Variants in NREP observed in about 807,000 individuals in gnomAD.
The protein encoded by NREP is neuronal regeneration-related protein.
A neutral mutation model predicts 8.6 loss-of-function variants in NREP; 5 were observed. That is an observed-to-expected ratio of 0.58 (90% CI 0.30 to 1.22). The LOEUF (loss-of-function observed/expected upper bound fraction) is 1.22. Ranked by LOEUF, NREP falls within the 50% of genes most tolerant of loss-of-function variation. The pLI is 0.07. For synonymous variants in NREP, 27 were observed against 28.0 expected, an observed-to-expected ratio of 0.96 and a Z score of 0.11; for missense variants, 86 against 82.5, an observed-to-expected ratio of 1.04 and a Z score of -0.17.
chr5:111,933,631 T>C (rs779084567), intron 2 of NREP, among the ~76,000 whole-genome samples: 26 of 152,036 alleles, frequency 1.7e-4, no homozygotes, highest in Non-Finnish European at 2.8e-4. Context: ...ACTTTCAAAT[T>C]CCAGTTTTTC....
intron 2 of NREP, among the ~76,000 whole-genome samples, chr5:111,943,456 G>A (rs1302458655): frequency 2.6e-5 from 4 of 151,940 alleles, no homozygotes; most frequent in African/African-American, 7.2e-5. Context: ...CAAACCAAAT[G>A]ATTACTCTTA....
intron 2 of NREP, among the ~76,000 whole-genome samples, chr5:111,830,857 G>A (rs1752750451): frequency 6.6e-6 from 1 of 152,182 alleles, no homozygotes; most frequent in Non-Finnish European, 1.5e-5. Context: ...GAAAGCTAAT[G>A]TGATTTTATT....
intron 2 of NREP, among the ~76,000 whole-genome samples, chr5:111,931,171 C>T (rs190156181): frequency 1.3e-5 from 2 of 152,122 alleles, no homozygotes; most frequent in Non-Finnish European, 2.9e-5. Flanking sequence ...GTCCACAATT[C>T]TTTGATTCTC....
intron 2 of NREP, among the ~76,000 whole-genome samples, chr5:111,867,570 T>C (rs183803434): frequency 5.5e-4 from 83 of 152,256 alleles, no homozygotes; most frequent in African/African-American, 1.7e-3. Context: ...AATATATGAA[T>C]TGGGGATGGG....
intron 2 of NREP, among the ~76,000 whole-genome samples, chr5:111,865,105 C>G (rs1319372728): frequency 1.3e-5 from 2 of 152,132 alleles, no homozygotes; most frequent in Non-Finnish European, 2.9e-5. Flanking sequence ...GCTCCTCTCC[C>G]AGAGCTGTGA....
chr5:111,860,633 C>G (rs138935927), intron 2 of NREP, among the ~76,000 whole-genome samples: 157 of 152,174 alleles, frequency 1.0e-3, no homozygotes, highest in African/African-American at 3.6e-3. Flanking sequence ...TTCTTTGCAT[C>G]TTTTTCAGAG....
chr5:111,884,109 C>G (rs1754170054), intron 2 of NREP, among the ~76,000 whole-genome samples: 1 of 152,072 alleles, frequency 6.6e-6, no homozygotes, highest in Non-Finnish European at 1.5e-5. Context: ...AGAGAAGAAT[C>G]AAATAGATGC....
chr5:111,814,381 G>A (rs924269567), intron 2 of NREP, among the ~76,000 whole-genome samples: 2 of 152,090 alleles, frequency 1.3e-5, no homozygotes, highest in Admixed American at 6.6e-5. Context: ...TATGTTGTGG[G>A]CCAAAATAAA....
In NREP at chr5:111,949,697, G is replaced by A. The variant is rs571370732; in HGVS notation, c.135+25577C>T. Among the ~76,000 whole-genome samples the A allele has an allele frequency of 2.0e-5, 3 of 152,106 alleles. No individual in the cohort carries two copies. In the South Asian group the frequency reaches 6.2e-4, roughly 32 times the overall value. ...ATGTGGTGTTTCGTTTTCTGTTTCT[G>A]TGTTAGTTTGCTGAAAATGATGGGT... On this transcript the variant is annotated intron_variant, in intron 2 of 3. Transcript: ENST00000395634.
chr5:111,786,433 C>G (rs573678773), intron 2 of NREP, among the ~76,000 whole-genome samples: 2 of 152,272 alleles, frequency 1.3e-5, no homozygotes, highest in Admixed American at 6.5e-5. Flanking sequence ...TCCCACAGTG[C>G]CTAGTTCTGT....
intron 2 of NREP, among the ~76,000 whole-genome samples, chr5:111,927,965 C>T (rs1297016019): frequency 1.3e-5 from 2 of 152,048 alleles, no homozygotes; most frequent in Admixed American, 6.6e-5. Flanking sequence ...AAGTCTGGGG[C>T]TTCATAGGCC....
intron 3 of NREP, among the ~76,000 whole-genome samples, chr5:111,731,326 A>G (rs1748541162): frequency 6.6e-6 from 1 of 151,640 alleles, no homozygotes; most frequent in Non-Finnish European, 1.5e-5. Context: ...GTGAGGCAGC[A>G]TTCCCCAGTG....
intron 2 of NREP, among the ~76,000 whole-genome samples, chr5:111,949,719 G>T (rs1367599900): frequency 6.6e-6 from 1 of 152,030 alleles, no homozygotes; most frequent in Non-Finnish European, 1.5e-5. Flanking sequence ...TGAAAATGAT[G>T]GGTTCCAGCT....
intron 2 of NREP, among the ~76,000 whole-genome samples, chr5:111,840,074 T>C (rs1020151491): frequency 6.6e-6 from 1 of 152,106 alleles, no homozygotes; most frequent in African/African-American, 2.4e-5. Context: ...TTAAGTATAA[T>C]GACATAAGTT....
intron 2 of NREP, among the ~76,000 whole-genome samples, chr5:111,776,830 T>G (rs1356210045): frequency 6.6e-6 from 1 of 152,210 alleles, no homozygotes; most frequent in Non-Finnish European, 1.5e-5. Flanking sequence ...GATGGAAATA[T>G]TCTATATCAT....
At chr5:111,770,474 C>T (rs1751190463) in intron 2 of NREP, among the ~76,000 whole-genome samples, 1 of 150,066 alleles carries the variant, frequency 6.7e-6, no homozygotes, top group African/African-American at 2.5e-5. Flanking sequence ...TGATTTAGTA[C>T]CAAAGTTGAA....
chr5:111,892,468 G>A (rs1300524333), intron 2 of NREP, among the ~76,000 whole-genome samples: 1 of 152,126 alleles, frequency 6.6e-6, no homozygotes, highest in Non-Finnish European at 1.5e-5. Flanking sequence ...GAGGTTACTT[G>A]AAGATGCACT....
At chr5:111,792,287 T>C (rs1751767191) in intron 2 of NREP, among the ~76,000 whole-genome samples, 1 of 152,232 alleles carries the variant, frequency 6.6e-6, no homozygotes, top group African/African-American at 2.4e-5. Flanking sequence ...ACTTTTTTTA[T>C]TTTCAAATTT....
chr5:111,844,175 T>C (rs1753101336), intron 2 of NREP, among the ~76,000 whole-genome samples: 1 of 152,136 alleles, frequency 6.6e-6, no homozygotes, highest in Admixed American at 6.6e-5. Context: ...GAAAAAAGAA[T>C]GCTACTGTGG....
Sources: gnomAD v4.1 joint callset for allele counts (sites outside exome capture counted in the v4.1 genomes callset) on GRCh38, gnomAD v4.1.1 for gene constraint, MANE v1.5 for transcripts, NCBI Gene and HGNC (gene_info 2026-07-23, HGNC 2026-07-21) for gene names.